The following CTNND2 variants were observed in gnomAD, a reference collection of about 807,000 sequenced individuals.
CTNND2 encodes catenin delta-2.
In CTNND2, 22 loss-of-function variants were observed where a neutral mutation model predicts 144.4. That is an observed-to-expected ratio of 0.15 (90% CI 0.11 to 0.22). The LOEUF is 0.22. Among genes scored for constraint, CTNND2 ranks in the 10% least tolerant of loss-of-function variants. The pLI is 1.00. For synonymous variants in CTNND2, 751 were observed against 695.6 expected (o/e 1.08, Z -1.25); for missense variants, 1,353 against 1,618.8 (o/e 0.84, Z 2.82).
chr5:11,076,768 C>T (rs1219313736), intron 16 of CTNND2, among the ~76,000 whole-genome samples: 1 of 152,100 alleles, frequency 6.6e-6, no homozygotes, highest in Non-Finnish European at 1.5e-5. Flanking sequence ...TGTTCAATAG[C>T]CTATTTAGAG....
At chr5:11,443,562 T>C (rs1012837864) in intron 3 of CTNND2, among the ~76,000 whole-genome samples, 3 of 152,110 alleles carry the variant, frequency 2.0e-5, no homozygotes, top group Non-Finnish European at 1.5e-5. Flanking sequence ...CAAAATGTTA[T>C]CTTTACTTTC....
At chr5:11,004,902 G>C (rs1561157576) in intron 18 of CTNND2, among the ~76,000 whole-genome samples, 2 of 152,046 alleles carry the variant, frequency 1.3e-5, no homozygotes, top group East Asian at 1.9e-4. Context: ...AAATTAGTAA[G>C]TAGCTAGCAC....
chr5:11,764,639 T>G (rs1789475789), intron 1 of CTNND2, among the ~76,000 whole-genome samples: 1 of 152,166 alleles, frequency 6.6e-6, no homozygotes, highest in African/African-American at 2.4e-5. Flanking sequence ...TGACTTTTCC[T>G]TTCCCCCTGG....
chr5:11,429,385 C>T (rs1763063041), intron 3 of CTNND2, among the ~76,000 whole-genome samples: 1 of 152,196 alleles, frequency 6.6e-6, no homozygotes, highest in Admixed American at 6.5e-5. Flanking sequence ...CAGAACTCAT[C>T]AGCAGCAGCT....
At chr5:11,859,842 T>C (rs1795422358) in intron 1 of CTNND2, among the ~76,000 whole-genome samples, 1 of 151,992 alleles carries the variant, frequency 6.6e-6, no homozygotes, top group African/African-American at 2.4e-5. Context: ...CAAGGGCAGG[T>C]ACCATACCTA....
At chr5:11,454,888 C>T (rs998544685) in intron 3 of CTNND2, among the ~76,000 whole-genome samples, 26 of 151,462 alleles carry the variant, frequency 1.7e-4, no homozygotes, top group East Asian at 5.8e-4. Context: ...AGGTGTGAGC[C>T]ACCGCGCCTG....
At chr5:11,749,311 G>A (rs1172190268) in intron 1 of CTNND2, among the ~76,000 whole-genome samples, 1 of 152,076 alleles carries the variant, frequency 6.6e-6, no homozygotes, top group Admixed American at 6.6e-5. Flanking sequence ...AATGTGTTAT[G>A]CAGCAACAGA....
intron 12 of CTNND2, among the ~76,000 whole-genome samples, chr5:11,147,560 G>C (rs1859382): frequency 0.54 from 81,801 of 151,818 alleles, 22,272 homozygotes; most frequent in Admixed American, 0.59. Flanking sequence ...TACCAGTTCT[G>C]AGATGCTTAA....
intron 3 of CTNND2, among the ~76,000 whole-genome samples, chr5:11,550,462 G>A (rs1050718179): frequency 2.0e-5 from 3 of 152,168 alleles, no homozygotes; most frequent in Admixed American, 1.3e-4. Context: ...AGGGAGAGAA[G>A]GTTAATTGTT....
Position 11,199,589 on chromosome 5 carries a change from C to T in CTNND2, c.1834G>A (p.Ala612Thr), listed in dbSNP as rs1257639286. The change falls in exon 11 of 22, where the codon GCC (alanine) becomes ACC (threonine). Residue 612 changes from alanine to threonine, a missense_variant. Around this residue, in one of 4 missense-constraint regions of CTNND2, gnomAD observed 69 missense variants for 120.3 expected, o/e 0.57. Coordinates refer to ENST00000304623, the MANE Select transcript of CTNND2 (RefSeq NM_001332.4). ...DHRMTEVHRS[A>T]CGALRNLVYG... The stretch of plus-strand genomic sequence containing the variant: ...ACCAGGTTTCTCAGAGCTCCACAGG[C>T]ACTACGGTGGACTTCGGTCATCCGA... The T allele has an allele frequency of 6.2e-7, 1 of 1,614,088 alleles. No individual in the cohort carries two copies. The highest frequency in any genetic ancestry group is 1.3e-5 in the African/African-American group (1 of 74,932).
intron 3 of CTNND2, among the ~76,000 whole-genome samples, chr5:11,506,114 G>C (rs185259198): frequency 2.4e-4 from 37 of 152,202 alleles, no homozygotes; most frequent in Non-Finnish European, 2.9e-5. Flanking sequence ...AAGGTTTGTA[G>C]GATAAATTGC....
intron 9 of CTNND2, among the ~76,000 whole-genome samples, chr5:11,276,660 T>C (rs1272600020): frequency 1.3e-5 from 2 of 152,320 alleles, no homozygotes; most frequent in African/African-American, 2.4e-5. Flanking sequence ...GTGACCTTAT[T>C]TGAAAGCAGT....
chr5:11,151,826 GA>G (rs1385347561), intron 12 of CTNND2, among the ~76,000 whole-genome samples: 2 of 152,142 alleles, frequency 1.3e-5, no homozygotes, highest in Non-Finnish European at 2.9e-5. Flanking sequence ...TCTAGCTTAG[GA>G]AAACAAAATA....
chr5:11,531,663 C>T (rs146019050), intron 3 of CTNND2, among the ~76,000 whole-genome samples: 1 of 152,126 alleles, frequency 6.6e-6, no homozygotes, highest in Non-Finnish European at 1.5e-5. Context: ...GAGCCACTGC[C>T]ATGGCGGATT....
chr5:11,420,066 T>C (rs1166961825), intron 3 of CTNND2, among the ~76,000 whole-genome samples: 1 of 152,154 alleles, frequency 6.6e-6, no homozygotes, highest in Non-Finnish European at 1.5e-5. Context: ...GGCTCACACC[T>C]GTAATCCCAC....
chr5:11,508,784 G>A (rs936586123), intron 3 of CTNND2, among the ~76,000 whole-genome samples: 6 of 152,026 alleles, frequency 3.9e-5, no homozygotes, highest in Non-Finnish European at 7.4e-5. Context: ...GGTGGCAAAT[G>A]CCTGTAATCC....
At chr5:11,100,120 TAGAC>T (rs1170848548) in intron 14 of CTNND2, among the ~76,000 whole-genome samples, 1 of 152,216 alleles carries the variant, frequency 6.6e-6, no homozygotes, top group Non-Finnish European at 1.5e-5. Context: ...AATAGAAAAG[TAGAC>T]AGAGATGGCT....
chr5:11,179,334 A>G (rs1760783205), intron 11 of CTNND2, among the ~76,000 whole-genome samples: 1 of 151,968 alleles, frequency 6.6e-6, no homozygotes, highest in African/African-American at 2.4e-5. Context: ...AAACAAAAAC[A>G]AAAACAAAAA....
At chr5:11,443,388 T>TGTGGCATGAGTGGGGGGG (rs1764509995) in intron 3 of CTNND2, among the ~76,000 whole-genome samples, 1 of 34,298 alleles carries the variant, frequency 2.9e-5, no homozygotes, top group African/African-American at 1.4e-4. Flanking sequence ...GAGTGGGGGG[T>TGTGGCATGAGTGGGGGGG]GTGTGGTGTG....
Sources: allele counts gnomAD v4.1 joint callset (sites outside exome capture counted in the v4.1 genomes callset), GRCh38; gene constraint gnomAD v4.1.1; regional missense constraint gnomAD v4.1.1; transcripts MANE v1.5; gene names NCBI Gene and HGNC (gene_info 2026-07-23, HGNC 2026-07-21).